ENTPD1: variants seen among roughly 807,000 people sequenced by gnomAD.
ENTPD1 encodes ATP diphosphohydrolase.
ENTPD1 carries 33 observed loss-of-function variants against 57.0 expected under a neutral mutation model. That is an observed-to-expected ratio of 0.58 (90% CI 0.44 to 0.77). The LOEUF is 0.77. ENTPD1 is among the 30% of genes least tolerant of loss of function. ENTPD1 has a pLI of 0.00. For synonymous variants in ENTPD1, 202 were observed against 218.8 expected (o/e 0.92, Z 0.68); for missense variants, 501 against 603.4 (o/e 0.83, Z 1.78).
chr10:95,872,678 C>T lies in ENTPD1; in HGVS notation c.*6295C>T, dbSNP rs907228091. On this transcript the variant is annotated 3_prime_UTR_variant, in exon 10 of 10. Coordinates refer to ENST00000371205, the MANE Select transcript of ENTPD1 (RefSeq NM_001776.6). The stretch of plus-strand genomic sequence containing the variant: ...AAAGTTGGATTCAGGGATATTATCA[C>T]GGACCTAAGGTAATAGTTCTAGCCA... 1.5e-5 allele frequency: 15 copies of T among 984,960 alleles called. No individual in the cohort carries two copies. Among genetic ancestry groups the T allele is most frequent in the Non-Finnish European group, 1.8e-5 (15 of 829,874 alleles). 61.0% of individuals were successfully genotyped at this position (984,960 alleles called of 1,614,324 possible). A position where few individuals can be genotyped will look rare whatever the true frequency, so the allele number is the denominator to read the frequency against.
chr10:95,776,161 G>A (rs2098133169), intron 1 of ENTPD1, among the ~76,000 whole-genome samples: 1 of 152,180 alleles, frequency 6.6e-6, no homozygotes, highest in African/African-American at 2.4e-5. Flanking sequence ...ATTGTTATGT[G>A]TGAATTTGAT....
intron 2 of ENTPD1, among the ~76,000 whole-genome samples, chr10:95,832,821 T>G (rs931148277): frequency 2.6e-5 from 4 of 152,172 alleles, no homozygotes; most frequent in Non-Finnish European, 5.9e-5. Context: ...AATATGGTTG[T>G]GAGAATTAAA....
intron 1 of ENTPD1, among the ~76,000 whole-genome samples, chr10:95,804,056 G>A (rs1329978878): frequency 1.3e-5 from 2 of 152,150 alleles, no homozygotes; most frequent in Non-Finnish European, 2.9e-5. Context: ...TGTTCCATTG[G>A]TCTGTCTCTC....
intron 1 of ENTPD1, among the ~76,000 whole-genome samples, chr10:95,770,342 G>A (rs976169113): frequency 3.3e-5 from 5 of 151,676 alleles, no homozygotes; most frequent in Admixed American, 2.0e-4. Flanking sequence ...GGGAGCCATC[G>A]GAGAAAAGTG....
chr10:95,868,326 T>C lies in ENTPD1; in HGVS notation c.*1943T>C, dbSNP rs1050760021. 5.6e-5 allele frequency: 55 copies of C among 985,340 alleles called. No homozygotes were observed. Among genetic ancestry groups the C allele is most frequent in the Non-Finnish European group, 3.0e-5 (25 of 829,934 alleles). 61.0% of individuals were successfully genotyped at this position (985,340 alleles called of 1,614,324 possible). On this transcript the variant is annotated 3_prime_UTR_variant, in exon 10 of 10. Transcript: ENST00000371205. ...CAAGGTTCATGGGACTTGGTATTCA[T>C]AGAAAGGGAGGCAGAAAGCTGGTCT...
Position 95,847,508 on chromosome 10 carries a change from C to T in ENTPD1, c.876C>T (p.Asn292=), listed in dbSNP as rs199648967. The part of the protein sequence containing the change: ...CFHPGYKKVV[N]VSDLYKTPCT... ...ATCCTGGATATAAGAAGGTAGTGAACGTAAGTGACCTTTACAAGACCCCCT... is the reference window on the plus strand; with the variant it reads ...ATCCTGGATATAAGAAGGTAGTGAATGTAAGTGACCTTTACAAGACCCCCT... The change falls in exon 7 of 10, where the codon AAC becomes AAT. Residue 292 remains asparagine (N), a synonymous_variant. Transcript: ENST00000371205. 111 of 1,614,080 alleles carry T rather than the reference C, an allele frequency of 6.9e-5. No homozygotes were observed. In the East Asian group the frequency reaches 2.2e-3, roughly 32 times the overall value.
rs2097966438 is a variant in ENTPD1 at position 95,712,275 on chromosome 10, C to T, written c.37+282C>T. Among the ~76,000 whole-genome samples the T allele has an allele frequency of 2.6e-5, 4 of 152,244 alleles. No homozygotes were observed. In the South Asian group the frequency reaches 8.3e-4, roughly 32 times the overall value. The stretch of plus-strand genomic sequence containing the variant: ...ATAGGGTAGGACATGGGCCTAAACC[C>T]CCATAAACTCTCTATTTGAGCTGGC... On this transcript the variant is annotated intron_variant, in intron 1 of 9. Transcript: ENST00000453258.
intron 7 of ENTPD1, among the ~76,000 whole-genome samples, chr10:95,851,503 A>T (rs1357604823): frequency 6.6e-6 from 1 of 151,952 alleles, no homozygotes; most frequent in East Asian, 1.9e-4. Context: ...ATATGTATAC[A>T]TACGCCATGT....
intron 8 of ENTPD1, among the ~76,000 whole-genome samples, chr10:95,863,297 A>C (rs908811301): frequency 6.6e-6 from 1 of 152,230 alleles, no homozygotes; most frequent in African/African-American, 2.4e-5. Flanking sequence ...ACAGGGGCTC[A>C]GCACTTTCAA....
In ENTPD1 at chr10:95,866,900, T is replaced by C; in HGVS notation, c.*517T>C. Reference sequence around the variant, plus strand: ...CCAGCCTGCTCTGTGGGTAGGAGAATTTTCTACAGTAGGCAAATATGTGCT... The same window carrying C: ...CCAGCCTGCTCTGTGGGTAGGAGAACTTTCTACAGTAGGCAAATATGTGCT... On this transcript the variant is annotated 3_prime_UTR_variant, in exon 10 of 10. Coordinates refer to ENST00000371205, the MANE Select transcript of ENTPD1 (RefSeq NM_001776.6). 2.0e-6 allele frequency: 2 copies of C among 1,019,356 alleles called. No homozygotes were observed. Among genetic ancestry groups the C allele is most frequent in the Non-Finnish European group, 1.2e-6 (1 of 849,638 alleles). 63.1% of individuals were successfully genotyped at this position (1,019,356 alleles called of 1,614,324 possible). A position where few individuals can be genotyped will look rare whatever the true frequency, so the allele number is the denominator to read the frequency against.
At chr10:95,794,851 C>T (rs991216426) in intron 1 of ENTPD1, among the ~76,000 whole-genome samples, 3 of 151,734 alleles carry the variant, frequency 2.0e-5, no homozygotes, top group East Asian at 1.9e-4. Context: ...GGGCTCTGGG[C>T]GAGGACAGCA....
intron 1 of ENTPD1, among the ~76,000 whole-genome samples, chr10:95,811,155 TC>T (rs754658411): frequency 2.6e-5 from 4 of 152,164 alleles, no homozygotes; most frequent in Admixed American, 6.5e-5. Context: ...GGGAGAGATG[TC>T]AAATTTCCCT....
intron 1 of ENTPD1, among the ~76,000 whole-genome samples, chr10:95,719,480 G>A (rs772872690): frequency 1.6e-4 from 25 of 152,180 alleles, no homozygotes; most frequent in Non-Finnish European, 2.8e-4. Flanking sequence ...AGGAACCCTC[G>A]TAGTTGCTTT....
chr10:95,806,775 G>T (rs564203120), intron 1 of ENTPD1, among the ~76,000 whole-genome samples: 34 of 152,124 alleles, frequency 2.2e-4, no homozygotes, highest in African/African-American at 7.7e-4. Flanking sequence ...GGAGTTTGCT[G>T]GAGGTCCACT....
chr10:95,796,024 G>A (rs1455226779), intron 1 of ENTPD1, among the ~76,000 whole-genome samples: 1 of 152,186 alleles, frequency 6.6e-6, no homozygotes. Flanking sequence ...AGTTGAGGTT[G>A]CCTGGAAGCT....
the ENTPD1 span, among the ~76,000 whole-genome samples, chr10:95,697,930 G>C: frequency 2.0e-5 from 3 of 152,212 alleles, no homozygotes; most frequent in African/African-American, 7.2e-5. Flanking sequence ...ATGAGCAGGG[G>C]CTGGAAGAGT....
Position 95,873,503 on chromosome 10 carries a change from C to T in ENTPD1, c.*7120C>T, listed in dbSNP as rs2098482662. 1 of 985,312 alleles carries T rather than the reference C, an allele frequency of 1.0e-6. No homozygotes were observed. Among genetic ancestry groups the T allele is most frequent in the South Asian group, 4.7e-5 (1 of 21,284 alleles). The allele number at this position is 985,312 out of a possible 1,614,324, so 61.0% of individuals were successfully genotyped here. A position where few individuals can be genotyped will look rare whatever the true frequency, so the allele number is the denominator to read the frequency against. On this transcript the variant is annotated 3_prime_UTR_variant, in exon 10 of 10. Coordinates refer to ENST00000371205, the MANE Select transcript of ENTPD1 (RefSeq NM_001776.6). ...CTTCAGTGTATTAGATGTATTACCT[C>T]CATGCTCTCAGTAGAGGCCCATAGG... is the stretch of plus-strand genomic sequence containing the variant.
chr10:95,764,619 G>C (rs1306181021), intron 1 of ENTPD1, among the ~76,000 whole-genome samples: 1 of 151,098 alleles, frequency 6.6e-6, no homozygotes, highest in Non-Finnish European at 1.5e-5. Context: ...GTTTTGATTT[G>C]TATTTCCCTG....
intron 1 of ENTPD1, among the ~76,000 whole-genome samples, chr10:95,765,580 A>G (rs113032204): frequency 5.3e-5 from 8 of 152,240 alleles, no homozygotes; most frequent in African/African-American, 1.9e-4. Context: ...ACATTTCTTG[A>G]TACTACAGCT....
Sources: allele counts gnomAD v4.1 joint callset (sites outside exome capture counted in the v4.1 genomes callset), GRCh38; gene constraint gnomAD v4.1.1; transcripts MANE v1.5; gene names NCBI Gene and HGNC (gene_info 2026-07-23, HGNC 2026-07-21).